The following AKAP9 variants were observed in gnomAD, a reference collection of about 807,000 sequenced individuals.
AKAP9 encodes the protein A-kinase anchor protein 9.
In AKAP9, 311 loss-of-function variants were observed where a neutral mutation model predicts 488.5. That is an observed-to-expected ratio of 0.64 (90% CI 0.58 to 0.70). The LOEUF is 0.70. Ranked by LOEUF, AKAP9 falls within the 30% of genes least tolerant of loss-of-function variation. The probability of loss-of-function intolerance (pLI) is 0.00; values close to 1 mark genes in which losing one functional copy is unlikely to be tolerated. For missense variants in AKAP9, 4,215 were observed against 4,374.5 expected (o/e 0.96, Z 1.03); for synonymous variants, 1,462 against 1,483.5 (o/e 0.99, Z 0.33).
chr7:92,110,216 A>G lies in AKAP9; in HGVS notation c.*57A>G, dbSNP rs562492528. The G allele has an allele frequency of 4.0e-5, 55 of 1,377,772 alleles. No individual in the cohort carries two copies. In the Admixed American group the frequency reaches 4.1e-4, roughly 10 times the overall value. 85.3% of individuals were successfully genotyped at this position (1,377,772 alleles called of 1,614,324 possible). ...TAAATAGATTTCCTTTTGTAAATCA[A>G]TGGTTCTTTTGTGCTTTTGTATTGT... On this transcript the variant is annotated 3_prime_UTR_variant, in exon 50 of 50. Transcript: ENST00000356239.
rs1038760302 is a variant in AKAP9, at chr7:92,102,638, T to A, written c.11142T>A (p.Ala3714=). ...TGAGGGCAGAAAGTTTTCGAAAGGC[T>A]CTCATTTACCAGAAGAAATACCTGC... ...KYLRAESFRK[A]LIYQKKYLLL... is the part of the protein sequence containing the mutation. The change falls in exon 46 of 50, where the codon GCT becomes GCA. Residue 3714 remains alanine (A), a synonymous_variant. Coordinates refer to ENST00000356239, the MANE Select transcript of AKAP9 (RefSeq NM_005751.5). 3.1e-6 allele frequency: 5 copies of A among 1,614,076 alleles called. No homozygotes were observed. The African/African-American group carries it at 6.7e-5, about 22-fold the overall frequency.
chr7:92,108,704 C>A (rs780727421), intron 49 of AKAP9, 71 bp downstream of exon 49: 2 of 1,567,346 alleles, frequency 1.3e-6, no homozygotes, highest in Admixed American at 3.4e-5. Context: ...CTTTGAAATT[C>A]TTTCACACTC....
At chr7:92,019,838 T>C (rs1326722442) in intron 12 of AKAP9, among the ~76,000 whole-genome samples, 1 of 151,274 alleles carries the variant, frequency 6.6e-6, no homozygotes, top group African/African-American at 2.4e-5. Context: ...TGAAACCCCA[T>C]CTCTACTAAA....
chr7:92,089,326 T>G (rs1301637137), intron 37 of AKAP9, 59 bp from the exon 38 acceptor site: 15 of 1,584,668 alleles, frequency 9.5e-6, no homozygotes, highest in South Asian at 1.1e-5. Flanking sequence ...ATTTCTTGGT[T>G]GTTAATTGTA....
At chr7:92,068,370 A>T (rs1222753749) in intron 26 of AKAP9, among the ~76,000 whole-genome samples, 4 of 150,538 alleles carry the variant, frequency 2.7e-5, no homozygotes, top group Non-Finnish European at 1.5e-5. Context: ...CGTCTCAAAA[A>T]AAAAAAAAAA....
chr7:91,984,986 C>G (rs1322551019), intron 3 of AKAP9, among the ~76,000 whole-genome samples: 1 of 151,996 alleles, frequency 6.6e-6, no homozygotes, highest in African/African-American at 2.4e-5. Context: ...GATTTTGTAT[C>G]CTGAGACTTT....
At position 92,102,978 on chromosome 7, in the gene AKAP9, A is replaced by G. The variant is rs1359768996; in HGVS notation, c.11330+152A>G. On this transcript the variant is annotated intron_variant, in intron 46 of 49. Coordinates refer to ENST00000356239, the MANE Select transcript of AKAP9 (RefSeq NM_005751.5). ...TGAAGCATGTCTGCTTTTTTTTTCTAGGTTTTCATTCATTTAGCAGGAATA... is the reference window on the plus strand; with the variant it reads ...TGAAGCATGTCTGCTTTTTTTTTCTGGGTTTTCATTCATTTAGCAGGAATA... The G allele has an allele frequency of 1.1e-5, 8 of 757,228 alleles. No individual in the cohort carries two copies. In the South Asian group the frequency reaches 1.4e-4, roughly 13 times the overall value. 46.9% of individuals were successfully genotyped at this position (757,228 alleles called of 1,614,324 possible).
At chr7:92,010,098 C>T (rs1368810327) in intron 8 of AKAP9, among the ~76,000 whole-genome samples, 2 of 151,962 alleles carry the variant, frequency 1.3e-5, no homozygotes, top group African/African-American at 2.4e-5. Flanking sequence ...GCTGTGTTGC[C>T]CAGGCTGGTC....
In AKAP9 at chr7:92,080,491, G is replaced by A. The variant is rs181212765; in HGVS notation, c.8019+339G>A. On this transcript the variant is annotated intron_variant, in intron 31 of 49. Coordinates refer to ENST00000356239, the MANE Select transcript of AKAP9 (RefSeq NM_005751.5). ...TGGGTGCCTGTAGTCCCAGCTACTC[G>A]GGAGGCTGAGGCAGGAGAATGCTGT... Among the ~76,000 whole-genome samples, 260 of 151,968 alleles carry A rather than the reference G, an allele frequency of 1.7e-3. 1 individual carries two copies. Among genetic ancestry groups the A allele is most frequent in the African/African-American group, 5.8e-3 (240 of 41,454 alleles).
At chr7:92,033,298 G>A (rs6975154) in intron 16 of AKAP9, among the ~76,000 whole-genome samples, 7,803 of 152,130 alleles carry the variant, frequency 0.051, 271 homozygotes, top group Non-Finnish European at 0.079. Flanking sequence ...TGGTCCAAGA[G>A]ATTATGTTTG....
At chr7:92,059,435 T>G (rs1809359679) in intron 22 of AKAP9, among the ~76,000 whole-genome samples, 1 of 151,846 alleles carries the variant, frequency 6.6e-6, no homozygotes, top group South Asian at 2.1e-4. Flanking sequence ...ATTTGATTGT[T>G]CCAACTTTTT....
Position 92,003,043 on chromosome 7 carries a change from T to C in AKAP9, c.3126T>C (p.Phe1042=). The change falls in exon 8 of 50, where the codon TTT becomes TTC. Residue 1042 remains phenylalanine (F), a synonymous_variant. Coordinates refer to ENST00000356239, the MANE Select transcript of AKAP9 (RefSeq NM_005751.5). ...CAGTTTCTAAAGTAAATAAAAGTTT[T>C]GGTGAAGAATCAAAAATAATGGTGG... ...EGSVSKVNKS[F]GEESKIMVED... 6.2e-7 allele frequency: 1 copy of C among 1,613,384 alleles called. No homozygotes were observed. Among genetic ancestry groups the C allele is most frequent in the African/African-American group, 1.3e-5 (1 of 75,000 alleles).
At chr7:92,071,753 A>G (rs923955233) in intron 28 of AKAP9, among the ~76,000 whole-genome samples, 1 of 152,200 alleles carries the variant, frequency 6.6e-6, no homozygotes, top group African/African-American at 2.4e-5. Context: ...ACTATATTTT[A>G]ACAAATAGTT....
In AKAP9 at chr7:92,091,304, C is replaced by G. The variant is rs528950349; in HGVS notation, c.9358+1775C>G. ...CACATTGGTCATTATAAAGCTGAAG[C>G]AGGCTGGGCCCTGTGGTTCACGCCT... On this transcript the variant is annotated intron_variant, in intron 38 of 49. Coordinates refer to ENST00000356239, the MANE Select transcript of AKAP9 (RefSeq NM_005751.5). Among the ~76,000 whole-genome samples, 12 of 152,074 alleles carry G rather than the reference C, an allele frequency of 7.9e-5. No individual in the cohort carries two copies. The East Asian group carries it at 1.7e-3, about 22-fold the overall frequency.
At chr7:92,060,132 T>A (rs6951972) in intron 22 of AKAP9, among the ~76,000 whole-genome samples, 4 of 151,842 alleles carry the variant, frequency 2.6e-5, no homozygotes, top group African/African-American at 9.6e-5. Context: ...GACAAATACC[T>A]CTCAGATGTG....
At chr7:91,947,180 G>A (rs2130449416) in intron 1 of AKAP9, among the ~76,000 whole-genome samples, 1 of 150,732 alleles carries the variant, frequency 6.6e-6, no homozygotes, top group Non-Finnish European at 1.5e-5. Context: ...GTGTGCGTGT[G>A]TGTGTGTGTG....
intron 2 of AKAP9, among the ~76,000 whole-genome samples, chr7:91,978,313 A>G (rs1324601190): frequency 6.6e-6 from 1 of 152,006 alleles, no homozygotes; most frequent in East Asian, 1.9e-4. Flanking sequence ...GATTACAGGC[A>G]AGTTTATTTT....
At chr7:91,975,577 T>C (rs1445579225) in intron 2 of AKAP9, among the ~76,000 whole-genome samples, 1 of 152,230 alleles carries the variant, frequency 6.6e-6, no homozygotes, top group Non-Finnish European at 1.5e-5. Flanking sequence ...GCAACTAAAC[T>C]AGAAATGTTC....
intron 1 of AKAP9, among the ~76,000 whole-genome samples, chr7:91,952,134 G>A (rs771535741): frequency 2.6e-5 from 4 of 151,870 alleles, no homozygotes; most frequent in African/African-American, 4.8e-5. Flanking sequence ...GTATTTACTC[G>A]AGCCTCTACT....
Sources: gnomAD v4.1 joint callset for allele counts (sites outside exome capture counted in the v4.1 genomes callset) on GRCh38, gnomAD v4.1.1 for gene constraint, MANE v1.5 for transcripts, NCBI Gene and HGNC (gene_info 2026-07-23, HGNC 2026-07-21) for gene names.